The following TTLL7 variants were observed in gnomAD, a reference collection of about 807,000 sequenced individuals.
TTLL7 encodes tubulin tyrosine ligase like 7.
In TTLL7, 53 loss-of-function variants were observed where a neutral mutation model predicts 120.2. The ratio of observed to expected loss-of-function variants is 0.44; its 90% CI spans 0.35 to 0.55. The LOEUF (loss-of-function observed/expected upper bound fraction) is 0.55. Among genes scored for constraint, TTLL7 ranks in the 20% least tolerant of loss-of-function variants. The pLI, the probability that TTLL7 is intolerant of heterozygous loss-of-function variation, is 0.00. For synonymous variants in TTLL7, 353 were observed against 351.7 expected (o/e 1.00, Z -0.04); for missense variants, 803 against 1,054.7 (o/e 0.76, Z 3.31).
intron 6 of TTLL7, among the ~76,000 whole-genome samples, chr1:83,945,063 C>CA (rs758891911): frequency 1.1e-4 from 17 of 152,012 alleles, no homozygotes; most frequent in Non-Finnish European, 2.1e-4. Flanking sequence ...CTATTTAACA[C>CA]AAAAGAGGAC....
chr1:83,989,090 C>T (rs900795709), intron 1 of TTLL7, among the ~76,000 whole-genome samples: 1 of 152,278 alleles, frequency 6.6e-6, no homozygotes, highest in East Asian at 1.9e-4. Flanking sequence ...ACCTTTGTCA[C>T]ATACATAGTT....
chr1:83,950,581 AG>A (rs1476808319), intron 3 of TTLL7, among the ~76,000 whole-genome samples: 1 of 152,202 alleles, frequency 6.6e-6, no homozygotes, highest in African/African-American at 2.4e-5. Flanking sequence ...TTTCCTTTTT[AG>A]TACAAACTAT....
chr1:83,869,809 T>G lies in TTLL7; in HGVS notation c.*153A>C, dbSNP rs1653174133. 3 of 563,158 alleles carry G rather than the reference T, an allele frequency of 5.3e-6. No homozygotes were observed. Among genetic ancestry groups the G allele is most frequent in the South Asian group, 6.9e-5 (2 of 28,900 alleles). 34.9% of individuals were successfully genotyped at this position (563,158 alleles called of 1,614,324 possible). A position where few individuals can be genotyped will look rare whatever the true frequency, so the allele number is the denominator to read the frequency against. Reference sequence around the variant, plus strand: ...TATCATTTAATATAATAAATATATGTTATTAGGGTGCATATGTGCATATAT... The same window carrying G: ...TATCATTTAATATAATAAATATATGGTATTAGGGTGCATATGTGCATATAT... On this transcript the variant is annotated 3_prime_UTR_variant, in exon 21 of 21. Coordinates refer to ENST00000260505, the MANE Select transcript of TTLL7 (RefSeq NM_024686.6).
intron 19 of TTLL7, among the ~76,000 whole-genome samples, chr1:83,883,950 T>C (rs553515121): frequency 6.6e-6 from 1 of 152,128 alleles, no homozygotes; most frequent in East Asian, 1.9e-4. Flanking sequence ...AGAAGCAGTA[T>C]GCCTTCTCCT....
chr1:83,903,659 A>T (rs982229270), intron 18 of TTLL7, among the ~76,000 whole-genome samples: 1 of 152,066 alleles, frequency 6.6e-6, no homozygotes, highest in Non-Finnish European at 1.5e-5. Context: ...AATAGTTGTT[A>T]CACTGTTGTA....
In TTLL7 at chr1:83,890,353, G is replaced by C; in HGVS notation, c.2337C>G (p.Gly779=). 6.2e-7 allele frequency: 1 copy of C among 1,613,164 alleles called. No individual in the cohort carries two copies. The highest frequency in any genetic ancestry group is 8.5e-7 in the Non-Finnish European group (1 of 1,179,480). The change falls in exon 19 of 21, where the codon GGC becomes GGG. Residue 779 remains glycine, a synonymous_variant. Transcript: ENST00000260505. The stretch of plus-strand genomic sequence containing the variant: ...CACAGAAACAGTTCCACAGCCCTTG[G>C]CCACGACTCCAGAGTAAGCGATTAA... ...RVFNRLLWSR[G]QGLWNCFCDS... is the part of the protein sequence containing the mutation.
chr1:83,892,853 T>C (rs1441301316), intron 18 of TTLL7, among the ~76,000 whole-genome samples: 3 of 146,972 alleles, frequency 2.0e-5, no homozygotes, highest in Admixed American at 1.4e-4. Context: ...TATATGAGTA[T>C]ATATATGAAT....
At chr1:83,938,855 A>C (rs554659808) in intron 7 of TTLL7, among the ~76,000 whole-genome samples, 2 of 152,312 alleles carry the variant, frequency 1.3e-5, no homozygotes, top group South Asian at 4.1e-4. Flanking sequence ...GCAATGTTAC[A>C]TCACAATTAA....
chr1:83,970,870 C>T (rs892501428), intron 1 of TTLL7, among the ~76,000 whole-genome samples: 7 of 152,046 alleles, frequency 4.6e-5, no homozygotes, highest in Admixed American at 1.3e-4. Flanking sequence ...AGCTTAATCC[C>T]CTAGGAAAGT....
intron 18 of TTLL7, among the ~76,000 whole-genome samples, chr1:83,897,098 A>T (rs1030854244): frequency 2.6e-5 from 4 of 151,604 alleles, no homozygotes; most frequent in Non-Finnish European, 4.4e-5. Context: ...AAGGCAAATA[A>T]TTTTTTTTTA....
At position 83,939,299 on chromosome 1, in the gene TTLL7, T is replaced by A. The variant is rs981725828; in HGVS notation, c.724-1283A>T. Among the ~76,000 whole-genome samples, 72 of 152,328 alleles carry A rather than the reference T, an allele frequency of 4.7e-4. 1 individual carries two copies. Among genetic ancestry groups the A allele is most frequent in the African/African-American group, 1.7e-3 (69 of 41,582 alleles). ...TTTCCTGGTTTCCAAAATACAAATT[T>A]TCTTTAACTTTTAAAAAAGAGGTTT... On this transcript the variant is annotated intron_variant, in intron 7 of 20. Coordinates refer to ENST00000260505, the MANE Select transcript of TTLL7 (RefSeq NM_024686.6).
intron 1 of TTLL7, among the ~76,000 whole-genome samples, chr1:83,984,808 A>G (rs1652294515): frequency 1.3e-5 from 2 of 152,032 alleles, no homozygotes; most frequent in Non-Finnish European, 2.9e-5. Context: ...GGGCTGAAAA[A>G]CTACTGATTG....
At chr1:83,905,049 C>A (rs1388145927) in intron 17 of TTLL7, among the ~76,000 whole-genome samples, 13 of 151,576 alleles carry the variant, frequency 8.6e-5, no homozygotes, top group African/African-American at 2.9e-4. Flanking sequence ...TTTCTTCTAC[C>A]TGATTCAAAA....
intron 1 of TTLL7, among the ~76,000 whole-genome samples, chr1:83,961,985 G>GGTC (rs1270036162): frequency 5.3e-5 from 8 of 152,232 alleles, no homozygotes; most frequent in African/African-American, 1.9e-4. Context: ...CTGAGCTGTG[G>GGTC]AGTTGAAACT....
intron 1 of TTLL7, among the ~76,000 whole-genome samples, chr1:83,987,531 T>C (rs1247436301): frequency 6.6e-6 from 1 of 152,198 alleles, no homozygotes; most frequent in African/African-American, 2.4e-5. Context: ...AAAATAATTA[T>C]GGCATGTATC....
Position 83,904,161 on chromosome 1 carries a change from T to A in TTLL7, c.2128-2A>T. 6.2e-7 allele frequency: 1 copy of A among 1,609,028 alleles called. No individual in the cohort carries two copies. On this transcript the variant is annotated splice_acceptor_variant, in intron 17 of 20. Transcript: ENST00000260505. LOFTEE classifies it high-confidence loss of function. ...ATGATACTTCCAGTTATCAATGATC[T>A]GTTTGGAAGGAGGAACATTAAGAAA...
intron 8 of TTLL7, among the ~76,000 whole-genome samples, chr1:83,936,945 C>G (rs142706957): frequency 6.6e-6 from 1 of 152,258 alleles, no homozygotes; most frequent in East Asian, 1.9e-4. Flanking sequence ...GACCACTTCA[C>G]TCCTTCTTAC....
At chr1:83,902,319 T>C (rs1172224946) in intron 18 of TTLL7, 1 of 151,972 alleles carries the variant, frequency 6.6e-6, no homozygotes, top group Non-Finnish European at 1.5e-5. Context: ...TTCCCCTCTA[T>C]AGCAAAATTC....
chr1:83,979,798 C>G (rs1651796856), intron 1 of TTLL7: 1 of 152,196 alleles, frequency 6.6e-6, no homozygotes, highest in Admixed American at 6.5e-5. Context: ...AATCTAAGTA[C>G]TCTTGGGGTA....
Sources: gnomAD v4.1 joint callset for allele counts (sites outside exome capture counted in the v4.1 genomes callset) on GRCh38, gnomAD v4.1.1 for gene constraint, MANE v1.5 for transcripts, NCBI Gene and HGNC (gene_info 2026-07-23, HGNC 2026-07-21) for gene names.